Variants in RSRC1 observed in about 807,000 individuals in gnomAD.
The protein encoded by RSRC1 is serine/Arginine-related protein 53.
Under a neutral mutation model 49.1 loss-of-function variants are expected in RSRC1, and 39 were observed. That is an observed-to-expected ratio of 0.79 (90% CI 0.61 to 1.04). RSRC1 has a LOEUF of 1.04. RSRC1 is among the 50% of genes least tolerant of loss of function. The probability of loss-of-function intolerance (pLI) is 0.00; values close to 1 mark genes in which losing one functional copy is unlikely to be tolerated. For missense variants in RSRC1, 388 were observed against 402.4 expected, an observed-to-expected ratio of 0.96 and a Z score of 0.31; for synonymous variants, 143 against 130.8, an observed-to-expected ratio of 1.09 and a Z score of -0.63.
Position 158,497,500 on chromosome 3 carries a change from A to G in RSRC1, c.652+36497A>G, listed in dbSNP as rs143343779. Among the ~76,000 whole-genome samples the G allele has an allele frequency of 2.0e-3, 292 of 148,242 alleles. 1 individual carries two copies. The Middle Eastern group carries it at 0.036, about 18-fold the overall frequency. ...CGCCCAGGTTGGAGTGCAGTGGCTC[A>G]ATCTCGGCTCACTGCAACCTCTGCC... is the stretch of plus-strand genomic sequence containing the variant. On this transcript the variant is annotated intron_variant, in intron 7 of 9. Transcript: ENST00000611884.
chr3:158,508,630 A>G (rs1207228484), intron 7 of RSRC1, among the ~76,000 whole-genome samples: 2 of 152,154 alleles, frequency 1.3e-5, no homozygotes, highest in East Asian at 1.9e-4. Flanking sequence ...TAAACAATTC[A>G]TAAGTTTTAA....
At chr3:158,201,542 A>C (rs752781447) in intron 3 of RSRC1, among the ~76,000 whole-genome samples, 2 of 150,708 alleles carry the variant, frequency 1.3e-5, no homozygotes, top group Non-Finnish European at 3.0e-5. Flanking sequence ...TTCTTATTAC[A>C]GTCTTTTTTC....
chr3:158,207,189 G>A (rs1174749139), intron 4 of RSRC1, among the ~76,000 whole-genome samples: 1 of 152,096 alleles, frequency 6.6e-6, no homozygotes, highest in Non-Finnish European at 1.5e-5. Context: ...TGATGAACAA[G>A]AGAGTTTGAG....
rs932661305 is a variant in RSRC1 at position 158,142,704 on chromosome 3, T to G, written c.320+18713T>G. 5.9e-5 allele frequency among the ~76,000 whole-genome samples: 9 copies of G among 152,106 alleles called. No homozygotes were observed. The South Asian group carries it at 6.2e-4, about 11-fold the overall frequency. Reference sequence around the variant, plus strand: ...CAGATCTCCGTAGAACTCACTATCTTGAGGACAGCACCATGCCGTTCATGC... The same window carrying G: ...CAGATCTCCGTAGAACTCACTATCTGGAGGACAGCACCATGCCGTTCATGC... On this transcript the variant is annotated intron_variant, in intron 3 of 9. Coordinates refer to ENST00000611884, the MANE Select transcript of RSRC1 (RefSeq NM_001271838.2).
chr3:158,442,011 A>G (rs1474810299), intron 6 of RSRC1, among the ~76,000 whole-genome samples: 2 of 152,152 alleles, frequency 1.3e-5, no homozygotes, highest in Non-Finnish European at 2.9e-5. Flanking sequence ...TTTATACTGT[A>G]CTGTAGTCTA....
rs916300549 is a variant in RSRC1, at chr3:158,545,106, C to G, written c.*831C>G. On this transcript the variant is annotated 3_prime_UTR_variant, in exon 10 of 10. Transcript: ENST00000611884. The stretch of plus-strand genomic sequence containing the variant: ...ATGACAATCAACTATACGTTCCATA[C>G]TAAACATGCCAGAGATAGGACTTTT... 1 of 151,212 alleles carries G rather than the reference C, an allele frequency of 6.6e-6. No individual in the cohort carries two copies. 9.4% of individuals were successfully genotyped at this position (151,212 alleles called of 1,614,324 possible).
intron 4 of RSRC1, among the ~76,000 whole-genome samples, chr3:158,212,844 A>G (rs1349729047): frequency 6.6e-6 from 1 of 151,958 alleles, no homozygotes; most frequent in South Asian, 2.1e-4. Context: ...TCTAATTTAT[A>G]TCTCATTGTA....
At chr3:158,424,526 T>C (rs1343634736) in intron 6 of RSRC1, among the ~76,000 whole-genome samples, 6 of 150,660 alleles carry the variant, frequency 4.0e-5, no homozygotes, top group Non-Finnish European at 3.0e-5. Flanking sequence ...TCAAGGATAT[T>C]GGTCTAAAAT....
chr3:158,397,431 T>TA (rs1398716543), intron 6 of RSRC1, among the ~76,000 whole-genome samples: 2 of 152,282 alleles, frequency 1.3e-5, no homozygotes, highest in East Asian at 3.9e-4. Context: ...TACACATACA[T>TA]AGGGAGACGG....
chr3:158,439,168 G>A (rs1435667446), intron 6 of RSRC1, among the ~76,000 whole-genome samples: 2 of 152,074 alleles, frequency 1.3e-5, no homozygotes, highest in Non-Finnish European at 2.9e-5. Flanking sequence ...GAAACAACAG[G>A]TGCTGGAGAG....
At chr3:158,236,046 G>T (rs546423069) in intron 4 of RSRC1, among the ~76,000 whole-genome samples, 1 of 151,992 alleles carries the variant, frequency 6.6e-6, no homozygotes, top group African/African-American at 2.4e-5. Context: ...AACTCAGGAG[G>T]CGGAGGTTGC....
At chr3:158,394,043 AAAAC>A (rs1733475354) in intron 6 of RSRC1, among the ~76,000 whole-genome samples, 1 of 152,164 alleles carries the variant, frequency 6.6e-6, no homozygotes, top group East Asian at 1.9e-4. Context: ...AAACAGAACT[AAAAC>A]AGAAACCACA....
intron 5 of RSRC1, among the ~76,000 whole-genome samples, chr3:158,329,823 C>T (rs914620427): frequency 7.2e-5 from 11 of 152,222 alleles, no homozygotes; most frequent in African/African-American, 2.2e-4. Flanking sequence ...CTATGCCCTG[C>T]CCCCAGAGGT....
At chr3:158,305,727 C>T (rs1226482271) in intron 5 of RSRC1, among the ~76,000 whole-genome samples, 3 of 152,110 alleles carry the variant, frequency 2.0e-5, no homozygotes, top group South Asian at 4.1e-4. Flanking sequence ...TACCATTTGC[C>T]ACTGAATAAT....
intron 4 of RSRC1, among the ~76,000 whole-genome samples, chr3:158,254,385 G>A (rs1724408214): frequency 6.6e-6 from 1 of 152,170 alleles, no homozygotes; most frequent in Non-Finnish European, 1.5e-5. Flanking sequence ...CCTACCAACA[G>A]TGTAAAAGCG....
At chr3:158,212,325 C>G (rs879669275) in intron 4 of RSRC1, among the ~76,000 whole-genome samples, 3 of 151,492 alleles carry the variant, frequency 2.0e-5, no homozygotes, top group Non-Finnish European at 4.4e-5. Context: ...TGTGCGTGTG[C>G]ATTCACATAC....
chr3:158,298,827 A>C (rs1559982380), intron 5 of RSRC1, among the ~76,000 whole-genome samples: 1 of 152,184 alleles, frequency 6.6e-6, no homozygotes, highest in Admixed American at 6.5e-5. Flanking sequence ...TTGTAAATAC[A>C]GTCTAAGTAG....
intron 6 of RSRC1, among the ~76,000 whole-genome samples, chr3:158,459,226 A>G (rs1272727843): frequency 6.6e-6 from 1 of 152,178 alleles, no homozygotes; most frequent in East Asian, 1.9e-4. Flanking sequence ...AAAAAAACAT[A>G]TAAAATAATA....
chr3:158,287,757 C>G (rs959809612), intron 4 of RSRC1, among the ~76,000 whole-genome samples: 2 of 152,170 alleles, frequency 1.3e-5, no homozygotes, highest in Admixed American at 1.3e-4. Context: ...TGTGTGTATT[C>G]ATAAGAATTT....
Sources: gnomAD v4.1 joint callset for allele counts (sites outside exome capture counted in the v4.1 genomes callset) on GRCh38, gnomAD v4.1.1 for gene constraint, MANE v1.5 for transcripts, NCBI Gene and HGNC (gene_info 2026-07-23, HGNC 2026-07-21) for gene names.